PRDM2: variants seen among roughly 807,000 people sequenced by gnomAD.
PRDM2 encodes the protein PR domain zinc finger protein 2.
PRDM2 carries 30 observed loss-of-function variants against 130.0 expected under a neutral mutation model. The observed-to-expected ratio is 0.23, with a 90% CI of 0.17 to 0.31. The LOEUF (loss-of-function observed/expected upper bound fraction) is 0.31, where lower values mean the gene tolerates loss of function less well. Ranked by LOEUF, PRDM2 falls within the 10% of genes least tolerant of loss-of-function variation. The pLI is 1.00. For missense variants in PRDM2, 2,011 were observed against 2,108.4 expected (o/e 0.95, Z 0.90); for synonymous variants, 871 against 782.4 (o/e 1.11, Z -1.89).
intron 8 of PRDM2, among the ~76,000 whole-genome samples, chr1:13,785,654 T>TA (rs1377173714): frequency 6.8e-6 from 1 of 147,110 alleles, no homozygotes; most frequent in Non-Finnish European, 1.5e-5. Context: ...CTGCAGCTCT[T>TA]ACTACAGTGA....
At chr1:13,769,513 T>C (rs565476376) in intron 6 of PRDM2, among the ~76,000 whole-genome samples, 12 of 152,276 alleles carry the variant, frequency 7.9e-5, no homozygotes, top group African/African-American at 2.4e-4. Flanking sequence ...TCCCACAAAA[T>C]TGAAGGCAGG....
chr1:13,717,869 A>T (rs1642595393), intron 2 of PRDM2, among the ~76,000 whole-genome samples: 1 of 152,144 alleles, frequency 6.6e-6, no homozygotes, highest in South Asian at 2.1e-4. Flanking sequence ...TGAAGCTTTT[A>T]TTTGGATTAT....
chr1:13,719,607 A>C (rs368566384), intron 2 of PRDM2, among the ~76,000 whole-genome samples: 2 of 152,234 alleles, frequency 1.3e-5, no homozygotes, highest in East Asian at 3.8e-4. Context: ...TGGACCTGAC[A>C]GCTTTTTGAA....
intron 2 of PRDM2, among the ~76,000 whole-genome samples, chr1:13,716,576 T>C (rs1318271219): frequency 6.6e-6 from 1 of 152,176 alleles, no homozygotes; most frequent in Non-Finnish European, 1.5e-5. Flanking sequence ...AGGGCAAATA[T>C]TGAAATGTAA....
intron 7 of PRDM2, among the ~76,000 whole-genome samples, chr1:13,776,337 G>A (rs961161066): frequency 6.6e-6 from 1 of 152,108 alleles, no homozygotes; most frequent in Non-Finnish European, 1.5e-5. Flanking sequence ...TGCCTCCTCC[G>A]TGGAACCTTT....
intron 7 of PRDM2, among the ~76,000 whole-genome samples, chr1:13,777,780 G>A (rs1028427912): frequency 6.6e-6 from 1 of 151,056 alleles, no homozygotes; most frequent in African/African-American, 2.4e-5. Context: ...GCAGATTTCT[G>A]TTCCCTTCAG....
chr1:13,785,654 T>A (rs1644717847), intron 8 of PRDM2, among the ~76,000 whole-genome samples: 1 of 147,110 alleles, frequency 6.8e-6, no homozygotes, highest in African/African-American at 2.5e-5. Flanking sequence ...CTGCAGCTCT[T>A]ACTACAGTGA....
At chr1:13,805,095 G>A (rs1645067401) in intron 8 of PRDM2, among the ~76,000 whole-genome samples, 1 of 152,156 alleles carries the variant, frequency 6.6e-6, no homozygotes, top group Non-Finnish European at 1.5e-5. Context: ...GTAAAACCAG[G>A]ACCATCACAG....
At chr1:13,738,121 T>C (rs190405663) in intron 4 of PRDM2, among the ~76,000 whole-genome samples, 4 of 152,198 alleles carry the variant, frequency 2.6e-5, no homozygotes, top group African/African-American at 9.7e-5. Context: ...AAGCCTTTTT[T>C]AAATAAGGGC....
intron 8 of PRDM2, chr1:13,786,713 G>C: frequency 3.7e-5 from 54 of 1,443,458 alleles, no homozygotes; most frequent in Non-Finnish European, 4.8e-5. Flanking sequence ...TGCTTCGGTG[G>C]GGGCCCAACG....
At chr1:13,820,889 C>T (rs1419524431) in intron 9 of PRDM2, among the ~76,000 whole-genome samples, 4 of 152,152 alleles carry the variant, frequency 2.6e-5, no homozygotes, top group African/African-American at 4.8e-5. Flanking sequence ...ACTCCATAGC[C>T]GGCCCCGCCT....
chr1:13,732,970 C>T, intron 4 of PRDM2, 88 bp downstream of exon 4: 1 of 970,514 alleles, frequency 1.0e-6, no homozygotes, highest in Non-Finnish European at 1.5e-6. Flanking sequence ...GAATTTAAAA[C>T]AATCATTTTA....
intron 4 of PRDM2, among the ~76,000 whole-genome samples, chr1:13,733,645 T>G (rs1643178645): frequency 6.6e-6 from 1 of 152,160 alleles, no homozygotes; most frequent in East Asian, 1.9e-4. Flanking sequence ...AAAATAGAGA[T>G]AGAAGATATC....
intron 6 of PRDM2, among the ~76,000 whole-genome samples, chr1:13,760,090 G>A (rs1644059061): frequency 6.6e-6 from 1 of 152,174 alleles, no homozygotes; most frequent in Non-Finnish European, 1.5e-5. Flanking sequence ...CAGGATAGAA[G>A]ATAATGTAAA....
At chr1:13,729,575 G>A (rs1430514259) in intron 2 of PRDM2, among the ~76,000 whole-genome samples, 1 of 152,038 alleles carries the variant, frequency 6.6e-6, no homozygotes, top group African/African-American at 2.4e-5. Context: ...TTAAAAATGG[G>A]GACACTATAT....
intron 2 of PRDM2, among the ~76,000 whole-genome samples, chr1:13,721,324 C>T (rs1642722213): frequency 6.6e-6 from 1 of 151,942 alleles, no homozygotes. Flanking sequence ...GTTATCTCTC[C>T]CCCTTTTTTC....
chr1:13,714,973 A>T (rs1257651908), intron 1 of PRDM2, among the ~76,000 whole-genome samples: 2 of 152,240 alleles, frequency 1.3e-5, no homozygotes, highest in African/African-American at 4.8e-5. Context: ...GAATACATGG[A>T]ACATGGGTTT....
In PRDM2 at chr1:13,732,791, C is replaced by T; in HGVS notation, c.140C>T (p.Thr47Ile). 1 of 1,601,620 alleles carries T rather than the reference C, an allele frequency of 6.2e-7. No individual in the cohort carries two copies. Among genetic ancestry groups the T allele is most frequent in the Non-Finnish European group, 8.5e-7 (1 of 1,173,566 alleles). The change falls in exon 4 of 10, where the codon ACT (threonine) becomes ATT (isoleucine). Residue 47 changes from threonine to isoleucine, a missense_variant. Transcript: ENST00000311066. ...VDKTRIGVWA[T>I]KPILKGKKFG... ...TTTTATTTTCTAGGTGTCTGGGCCA[C>T]TAAACCAATTTTAAAAGGCAAAAAA...
intron 8 of PRDM2, chr1:13,786,965 G>A (rs1435101824): frequency 4.0e-6 from 4 of 990,146 alleles, no homozygotes; most frequent in Middle Eastern, 5.1e-4. Flanking sequence ...AAAACGTTTT[G>A]GTCACATATC....
Sources: allele counts gnomAD v4.1 joint callset (sites outside exome capture counted in the v4.1 genomes callset), GRCh38; gene constraint gnomAD v4.1.1; transcripts MANE v1.5; gene names NCBI Gene and HGNC (gene_info 2026-07-23, HGNC 2026-07-21).